GRID2: variants seen among roughly 807,000 people sequenced by gnomAD.
GRID2 encodes the protein glutamate receptor ionotropic, delta-2.
GRID2 carries 33 observed loss-of-function variants against 114.8 expected under a neutral mutation model. The ratio of observed to expected loss-of-function variants is 0.29; its 90% CI spans 0.22 to 0.38. GRID2 has a LOEUF of 0.38. Among genes scored for constraint, GRID2 ranks in the 10% least tolerant of loss-of-function variants. The probability of loss-of-function intolerance (pLI) is 1.00; values close to 1 mark genes in which losing one functional copy is unlikely to be tolerated. For synonymous variants in GRID2, 505 were observed against 449.9 expected, an observed-to-expected ratio of 1.12 and a Z score of -1.55; for missense variants, 1,184 against 1,257.7, an observed-to-expected ratio of 0.94 and a Z score of 0.89.
At chr4:92,526,486 G>A (rs1259443487) in intron 1 of GRID2, among the ~76,000 whole-genome samples, 1 of 151,966 alleles carries the variant, frequency 6.6e-6, no homozygotes, top group Non-Finnish European at 1.5e-5. Context: ...TGGGATTATA[G>A]GTGCCCACAA....
intron 8 of GRID2, among the ~76,000 whole-genome samples, chr4:93,274,818 GTC>G (rs1579509647): frequency 1.3e-5 from 2 of 152,070 alleles, no homozygotes; most frequent in East Asian, 3.9e-4. Flanking sequence ...ACAAAGTCTA[GTC>G]TCTGAATTTT....
At chr4:93,186,810 C>A (rs1740467467) in intron 4 of GRID2, among the ~76,000 whole-genome samples, 1 of 152,104 alleles carries the variant, frequency 6.6e-6, no homozygotes, top group South Asian at 2.1e-4. Flanking sequence ...AATTCATATT[C>A]AGTATTATCA....
chr4:93,476,004 C>A (rs1024802022), intron 11 of GRID2, among the ~76,000 whole-genome samples: 2 of 151,962 alleles, frequency 1.3e-5, no homozygotes, highest in African/African-American at 4.8e-5. Flanking sequence ...TCCCAGCCCT[C>A]ATTTCATTGC....
chr4:92,727,862 T>A (rs570740885), intron 2 of GRID2, among the ~76,000 whole-genome samples: 1 of 152,210 alleles, frequency 6.6e-6, no homozygotes, highest in South Asian at 2.1e-4. Context: ...AAACTGATAC[T>A]CACTGATCCA....
chr4:92,933,651 T>C (rs1242255681), intron 2 of GRID2, among the ~76,000 whole-genome samples: 2 of 151,570 alleles, frequency 1.3e-5, no homozygotes, highest in African/African-American at 4.8e-5. Context: ...TCATAGTAGT[T>C]CCATAACTTT....
intron 1 of GRID2, among the ~76,000 whole-genome samples, chr4:93,802,264 C>T (rs1357512731): frequency 6.6e-6 from 1 of 152,198 alleles, no homozygotes; most frequent in Non-Finnish European, 1.5e-5. Flanking sequence ...TGAGTTCAGG[C>T]AACCCCAGGA....
intron 1 of GRID2, among the ~76,000 whole-genome samples, chr4:92,313,121 G>GTGTGTA (rs1373462080): frequency 1.9e-3 from 263 of 136,680 alleles, no homozygotes; most frequent in African/African-American, 6.5e-3. Context: ...GTGTGTGTGT[G>GTGTGTA]TATATGAGAT....
At position 93,238,479 on chromosome 4, in the gene GRID2, G is replaced by A; in HGVS notation, c.1234G>A (p.Gly412Ser). 3 of 1,609,856 alleles carry A rather than the reference G, an allele frequency of 1.9e-6. No homozygotes were observed. The highest frequency in any genetic ancestry group is 2.5e-6 in the Non-Finnish European group (3 of 1,176,964). The change falls in exon 8 of 16, where the codon GGT becomes AGT. Residue 412 changes from glycine to serine, a missense_variant. Coordinates refer to ENST00000282020, the MANE Select transcript of GRID2 (RefSeq NM_001510.4). ...CAACTATGGAGAAGAGCTTGGCAGA[G>A]GTGTTCGAAAAGTAAGACAAGACAC... The part of the protein sequence containing the change: ...GTNYGEELGR[G>S]VRKLGCWNPV...
intron 2 of GRID2, among the ~76,000 whole-genome samples, chr4:92,655,023 T>A (rs1341428566): frequency 6.6e-6 from 1 of 151,988 alleles, no homozygotes; most frequent in Non-Finnish European, 1.5e-5. Context: ...TTTATAAATT[T>A]AGGTTTTATT....
rs149412150 is a variant in GRID2 at position 92,408,614 on chromosome 4, G to T, written c.88+103870G>T. Reference sequence around the variant, plus strand: ...ACTGATTCTTCCAATCCATAAGCATGGAATATTTATTATTATTTTTTTTTG... The same window carrying T: ...ACTGATTCTTCCAATCCATAAGCATTGAATATTTATTATTATTTTTTTTTG... On this transcript the variant is annotated intron_variant, in intron 1 of 15. Coordinates refer to ENST00000282020, the MANE Select transcript of GRID2 (RefSeq NM_001510.4). 2.8e-3 allele frequency among the ~76,000 whole-genome samples: 421 copies of T among 148,194 alleles called. 1 individual carries two copies. The highest frequency in any genetic ancestry group is 9.7e-3 in the African/African-American group (380 of 39,216).
intron 14 of GRID2, among the ~76,000 whole-genome samples, chr4:93,684,025 C>G (rs1578564472): frequency 6.6e-6 from 1 of 151,898 alleles, no homozygotes; most frequent in African/African-American, 2.4e-5. Context: ...GCTTGTTTAT[C>G]CTATAGCATT....
chr4:92,863,272 T>A (rs1744651288), intron 2 of GRID2, among the ~76,000 whole-genome samples: 1 of 152,128 alleles, frequency 6.6e-6, no homozygotes, highest in African/African-American at 2.4e-5. Context: ...TTAAACTCCA[T>A]CCTCTTAAAT....
chr4:92,961,829 A>G (rs1004917951), intron 2 of GRID2, among the ~76,000 whole-genome samples: 3 of 151,188 alleles, frequency 2.0e-5, no homozygotes, highest in African/African-American at 7.3e-5. Context: ...TTTTCTCACA[A>G]TTCTTGGATA....
intron 2 of GRID2, among the ~76,000 whole-genome samples, chr4:92,945,440 A>C (rs558730850): frequency 6.6e-6 from 1 of 152,242 alleles, no homozygotes; most frequent in East Asian, 1.9e-4. Context: ...GCTGCTCTAG[A>C]AAGTCTAGAA....
At chr4:93,259,869 A>G (rs1750059815) in intron 8 of GRID2, among the ~76,000 whole-genome samples, 2 of 151,768 alleles carry the variant, frequency 1.3e-5, no homozygotes, top group South Asian at 4.1e-4. Flanking sequence ...GGCATGTGTT[A>G]AAAATATGTA....
rs1750844774 is a variant in GRID2, at chr4:92,938,586, T to C, written c.245-146409T>C. ...ATATTTCTTTTTTTTTATTATACTT[T>C]AAGTTTTAGGGTACATGTGCACAAT... On this transcript the variant is annotated intron_variant, in intron 2 of 15. Transcript: ENST00000282020. 2.0e-5 allele frequency among the ~76,000 whole-genome samples: 3 copies of C among 146,606 alleles called. 1 individual carries two copies. The Admixed American group carries it at 2.2e-4, about 11-fold the overall frequency.
chr4:93,267,398 C>T (rs1218754581), intron 8 of GRID2, among the ~76,000 whole-genome samples: 1 of 152,022 alleles, frequency 6.6e-6, no homozygotes, highest in African/African-American at 2.4e-5. Context: ...TGGAGAAATG[C>T]CCCAGCAGGG....
intron 13 of GRID2, among the ~76,000 whole-genome samples, chr4:93,593,796 T>A (rs997552022): frequency 3.9e-5 from 6 of 152,326 alleles, no homozygotes; most frequent in South Asian, 2.1e-4. Context: ...TCGCTTCATT[T>A]CATTTATTTC....
At chr4:93,147,346 G>A (rs965474005) in intron 4 of GRID2, among the ~76,000 whole-genome samples, 2 of 152,106 alleles carry the variant, frequency 1.3e-5, no homozygotes, top group Non-Finnish European at 2.9e-5. Context: ...ACTAATGGAT[G>A]ATCAAATATT....
Sources: allele counts gnomAD v4.1 joint callset (sites outside exome capture counted in the v4.1 genomes callset), GRCh38; gene constraint gnomAD v4.1.1; transcripts MANE v1.5; gene names NCBI Gene and HGNC (gene_info 2026-07-23, HGNC 2026-07-21).